CSMD3: variants seen among roughly 807,000 people sequenced by gnomAD.
The protein encoded by CSMD3 is CUB and sushi domain-containing protein 3.
A neutral mutation model predicts 435.2 loss-of-function variants in CSMD3; 177 were observed. The ratio of observed to expected loss-of-function variants is 0.41; its 90% CI spans 0.36 to 0.46. The LOEUF (loss-of-function observed/expected upper bound fraction) is 0.46. CSMD3 is among the 20% of genes least tolerant of loss of function. CSMD3 has a pLI of 0.34. For missense variants in CSMD3, 4,265 were observed against 4,504.6 expected (o/e 0.95, Z 1.52); for synonymous variants, 1,656 against 1,520.5 (o/e 1.09, Z -2.07).
intron 1 of CSMD3, among the ~76,000 whole-genome samples, chr8:113,336,980 T>G (rs1367552107): frequency 2.0e-5 from 3 of 152,128 alleles, no homozygotes; most frequent in Non-Finnish European, 4.4e-5. Flanking sequence ...GGAAGCCACA[T>G]ATTTTTCTGT....
At chr8:112,852,567 A>C (rs1458848479) in intron 11 of CSMD3, among the ~76,000 whole-genome samples, 1 of 152,090 alleles carries the variant, frequency 6.6e-6, no homozygotes, top group Non-Finnish European at 1.5e-5. Context: ...TATGAAGGAA[A>C]TTTGAATGAA....
At chr8:113,204,994 T>C (rs1345812378) in intron 3 of CSMD3, among the ~76,000 whole-genome samples, 1 of 151,798 alleles carries the variant, frequency 6.6e-6, no homozygotes, top group African/African-American at 2.4e-5. Flanking sequence ...ACTCCTTTTT[T>C]TTTTTTGGAG....
intron 22 of CSMD3, among the ~76,000 whole-genome samples, chr8:112,600,966 G>A (rs1157465160): frequency 2.6e-5 from 4 of 151,932 alleles, no homozygotes; most frequent in Non-Finnish European, 5.9e-5. Context: ...ACCGCGCCCG[G>A]TCCCCACGAT....
intron 22 of CSMD3, among the ~76,000 whole-genome samples, chr8:112,587,904 C>A (rs1308591725): frequency 6.6e-6 from 1 of 151,710 alleles, no homozygotes; most frequent in Non-Finnish European, 1.5e-5. Context: ...ACTGCTAAAC[C>A]TTCAGGACTA....
intron 17 of CSMD3, among the ~76,000 whole-genome samples, chr8:112,658,275 T>G (rs73702375): frequency 6.6e-6 from 1 of 152,174 alleles, no homozygotes; most frequent in Non-Finnish European, 1.5e-5. Context: ...TTTTGCAGTA[T>G]GTGTTATGAG....
chr8:112,626,786 A>G (rs1371056615), intron 22 of CSMD3, among the ~76,000 whole-genome samples: 3 of 152,264 alleles, frequency 2.0e-5, no homozygotes, highest in South Asian at 2.1e-4. Context: ...CACATATGTC[A>G]CTGTTGTAAG....
chr8:112,917,263 C>T (rs1053949143), intron 10 of CSMD3, among the ~76,000 whole-genome samples: 3 of 151,818 alleles, frequency 2.0e-5, no homozygotes, highest in Non-Finnish European at 2.9e-5. Flanking sequence ...GATTAGGGAG[C>T]ATTGCCAAAC....
At chr8:112,907,971 A>AT (rs796403526) in intron 10 of CSMD3, among the ~76,000 whole-genome samples, 24 of 151,440 alleles carry the variant, frequency 1.6e-4, no homozygotes, top group African/African-American at 4.8e-4. Flanking sequence ...GCTAGATGAG[A>AT]TTTTTTTGGT....
chr8:112,255,198 G>A (rs2130272247), intron 62 of CSMD3, 56 bp downstream of exon 62: 2 of 1,395,762 alleles, frequency 1.4e-6, no homozygotes, highest in East Asian at 2.3e-5. Context: ...ACCATTAAAT[G>A]TCACCCCTAT....
At chr8:112,955,181 A>C (rs2130835401) in intron 7 of CSMD3, among the ~76,000 whole-genome samples, 1 of 151,826 alleles carries the variant, frequency 6.6e-6, no homozygotes, top group South Asian at 2.1e-4. Context: ...AAATTTCCTA[A>C]AAATTTAGTC....
intron 13 of CSMD3, among the ~76,000 whole-genome samples, chr8:112,741,605 A>C (rs1331925215): frequency 6.6e-6 from 1 of 151,868 alleles, no homozygotes; most frequent in East Asian, 1.9e-4. Flanking sequence ...TTAACATATA[A>C]ATTTGAGGGG....
At chr8:113,117,876 T>C (rs558367427) in intron 4 of CSMD3, among the ~76,000 whole-genome samples, 2 of 152,334 alleles carry the variant, frequency 1.3e-5, no homozygotes, top group South Asian at 4.1e-4. Context: ...TTTCTCCCAC[T>C]TGGAGCAGGC....
intron 1 of CSMD3, among the ~76,000 whole-genome samples, chr8:113,402,223 T>C (rs1008587380): frequency 3.2e-5 from 4 of 124,420 alleles, no homozygotes; most frequent in East Asian, 2.4e-4. Context: ...TTGACAGCTG[T>C]TTTCATCACC....
intron 1 of CSMD3, 149 bp downstream of exon 1, chr8:113,436,528 A>T (rs1452181331): frequency 7.4e-6 from 6 of 810,576 alleles, no homozygotes; most frequent in Non-Finnish European, 1.3e-5. Flanking sequence ...TTCCTATCTG[A>T]GGGGGGGAGA....
At chr8:113,259,675 A>C (rs2132347318) in intron 3 of CSMD3, among the ~76,000 whole-genome samples, 1 of 152,230 alleles carries the variant, frequency 6.6e-6, no homozygotes, top group East Asian at 1.9e-4. Context: ...AAGATATATA[A>C]GGAGAAAATT....
chr8:113,035,563 T>G (rs1288514806), intron 5 of CSMD3, among the ~76,000 whole-genome samples: 2 of 152,050 alleles, frequency 1.3e-5, no homozygotes, highest in African/African-American at 4.8e-5. Flanking sequence ...AATATCTTTA[T>G]TGCAGCTATA....
At chr8:112,817,466 T>C (rs1041281314) in intron 12 of CSMD3, among the ~76,000 whole-genome samples, 2 of 152,134 alleles carry the variant, frequency 1.3e-5, no homozygotes, top group African/African-American at 4.8e-5. Context: ...GTTCTTTTGA[T>C]ATCCTTTAAA....
At position 113,207,843 on chromosome 8, in the gene CSMD3, A is replaced by G. The variant is rs186216362; in HGVS notation, c.515-33927T>C. 8.9e-4 allele frequency among the ~76,000 whole-genome samples: 136 copies of G among 152,308 alleles called. 2 individuals are homozygous for G. The highest frequency in any genetic ancestry group is 7.7e-4 in the East Asian group (4 of 5,182). ...AGAAAACAAGTATGGAAGTAATTAAAAGATAATATAACGATTTTTAAATCA... is the reference window on the plus strand; with the variant it reads ...AGAAAACAAGTATGGAAGTAATTAAGAGATAATATAACGATTTTTAAATCA... On this transcript the variant is annotated intron_variant, in intron 3 of 70. Coordinates refer to ENST00000297405, the MANE Select transcript of CSMD3 (RefSeq NM_198123.2).
At chr8:112,443,921 C>A (rs1400572661) in intron 32 of CSMD3, among the ~76,000 whole-genome samples, 1 of 152,024 alleles carries the variant, frequency 6.6e-6, no homozygotes, top group Non-Finnish European at 1.5e-5. Flanking sequence ...CACATTTAAT[C>A]CTCATAACAG....
Sources: gnomAD v4.1 joint callset for allele counts (sites outside exome capture counted in the v4.1 genomes callset) on GRCh38, gnomAD v4.1.1 for gene constraint, MANE v1.5 for transcripts, NCBI Gene and HGNC (gene_info 2026-07-23, HGNC 2026-07-21) for gene names.